SYNPR: variants seen among roughly 807,000 people sequenced by gnomAD.
The protein encoded by SYNPR is synaptoporin.
A neutral mutation model predicts 32.9 loss-of-function variants in SYNPR; 23 were observed. The observed-to-expected ratio is 0.70, with a 90% CI of 0.50 to 0.99. The LOEUF is 0.99. Ranked by LOEUF, SYNPR falls within the 50% of genes least tolerant of loss-of-function variation. The pLI is 0.00. For synonymous variants in SYNPR, 146 were observed against 135.9 expected (o/e 1.07, Z -0.52); for missense variants, 318 against 349.3 (o/e 0.91, Z 0.71).
At chr3:63,517,614 C>T (rs1017611715) in intron 3 of SYNPR, among the ~76,000 whole-genome samples, 1 of 152,106 alleles carries the variant, frequency 6.6e-6, no homozygotes, top group Non-Finnish European at 1.5e-5. Flanking sequence ...CTTGCCCTTG[C>T]GCTCATTTAA....
At chr3:63,459,137 C>T (rs1439384367) in intron 2 of SYNPR, among the ~76,000 whole-genome samples, 1 of 152,022 alleles carries the variant, frequency 6.6e-6, no homozygotes, top group African/African-American at 2.4e-5. Context: ...CACTAATTCA[C>T]TATGACAAAT....
intron 2 of SYNPR, among the ~76,000 whole-genome samples, chr3:63,458,342 T>C (rs116690830): frequency 0.018 from 2,675 of 152,252 alleles, 79 homozygotes; most frequent in African/African-American, 0.061. Context: ...CAATTTGGCC[T>C]GAGCTTAGCT....
intron 4 of SYNPR, among the ~76,000 whole-genome samples, chr3:63,564,178 GGT>G (rs1051540679): frequency 6.7e-6 from 1 of 149,592 alleles, no homozygotes; most frequent in Non-Finnish European, 1.5e-5. Flanking sequence ...GGGTGGGTGG[GGT>G]GTGTGTGTGT....
At chr3:63,588,455 C>T (rs10510899) in intron 4 of SYNPR, among the ~76,000 whole-genome samples, 40,563 of 151,776 alleles carry the variant, frequency 0.27, 5,771 homozygotes, top group South Asian at 0.44. Context: ...CAAGTAGATA[C>T]GGCTAGTTGT....
intron 2 of SYNPR, among the ~76,000 whole-genome samples, chr3:63,450,794 G>T (rs1162671361): frequency 2.0e-5 from 3 of 152,166 alleles, no homozygotes; most frequent in Non-Finnish European, 2.9e-5. Flanking sequence ...GCAGGGCTTT[G>T]CCAGGAGATG....
intron 2 of SYNPR, among the ~76,000 whole-genome samples, chr3:63,424,547 A>G (rs116229196): frequency 0.025 from 3,747 of 152,272 alleles, 87 homozygotes; most frequent in South Asian, 0.12. Context: ...TATTATTTCC[A>G]TTTTATTGTA....
At chr3:63,323,942 C>G (rs1284552877) in intron 2 of SYNPR, among the ~76,000 whole-genome samples, 1 of 152,014 alleles carries the variant, frequency 6.6e-6, no homozygotes, top group African/African-American at 2.4e-5. Flanking sequence ...GAATAACTTG[C>G]CCAACTTGCA....
intron 2 of SYNPR, among the ~76,000 whole-genome samples, chr3:63,396,201 C>G (rs2088210458): frequency 6.6e-6 from 1 of 152,156 alleles, no homozygotes; most frequent in Non-Finnish European, 1.5e-5. Context: ...TATGCCCTCA[C>G]TATAAAAGGA....
chr3:63,566,682 C>T lies in SYNPR; in HGVS notation c.408+9941C>T, dbSNP rs547179823. On this transcript the variant is annotated intron_variant, in intron 4 of 5. Transcript: ENST00000478300. Reference sequence around the variant, plus strand: ...CCCAAATCTCAGTACCACCATCTACCATCTGTATGACTTTGGACTGATGGT... The same window carrying T: ...CCCAAATCTCAGTACCACCATCTACTATCTGTATGACTTTGGACTGATGGT... Among the ~76,000 whole-genome samples, 207 of 152,242 alleles carry T rather than the reference C, an allele frequency of 1.4e-3. 1 individual carries two copies. The highest frequency in any genetic ancestry group is 4.8e-3 in the African/African-American group (201 of 41,530).
At chr3:63,347,030 T>C (rs946122847) in intron 2 of SYNPR, among the ~76,000 whole-genome samples, 1 of 152,178 alleles carries the variant, frequency 6.6e-6, no homozygotes, top group African/African-American at 2.4e-5. Flanking sequence ...AGTTTCCTCA[T>C]CTGCAGAATA....
chr3:63,398,456 C>G (rs1455077030), intron 2 of SYNPR, among the ~76,000 whole-genome samples: 4 of 152,014 alleles, frequency 2.6e-5, no homozygotes, highest in Non-Finnish European at 5.9e-5. Context: ...CGCGGTGGCT[C>G]ACGCCTGTAA....
intron 2 of SYNPR, among the ~76,000 whole-genome samples, chr3:63,410,054 G>C (rs1441950950): frequency 6.6e-6 from 1 of 152,032 alleles, no homozygotes; most frequent in Non-Finnish European, 1.5e-5. Context: ...ACACTTTGTT[G>C]TCTCAAGCCA....
intron 2 of SYNPR, among the ~76,000 whole-genome samples, chr3:63,264,291 T>C (rs1456701354): frequency 2.0e-5 from 3 of 152,144 alleles, no homozygotes; most frequent in Non-Finnish European, 2.9e-5. Context: ...AGCTCAGTAA[T>C]CTGCCAAAGA....
At chr3:63,299,020 C>A (rs918368048) in intron 2 of SYNPR, among the ~76,000 whole-genome samples, 1 of 152,146 alleles carries the variant, frequency 6.6e-6, no homozygotes, top group African/African-American at 2.4e-5. Flanking sequence ...CACACATAGA[C>A]AACAGATATT....
At position 63,576,749 on chromosome 3, in the gene SYNPR, C is replaced by A. The variant is rs143566255; in HGVS notation, c.408+20008C>A. On this transcript the variant is annotated intron_variant, in intron 4 of 5. Transcript: ENST00000478300. ...GAGGTTGCAGTGAGCTGAGATTGCA[C>A]AACTACACTCCAGCCTGGGCAACAG... Among the ~76,000 whole-genome samples, 17 of 141,608 alleles carry A rather than the reference C, an allele frequency of 1.2e-4. No homozygotes were observed. The East Asian group carries it at 3.6e-3, about 30-fold the overall frequency. 92.9% of individuals were successfully genotyped at this position (141,608 alleles called of 152,430 possible).
chr3:63,502,283 C>G (rs1701496104), intron 3 of SYNPR, among the ~76,000 whole-genome samples: 2 of 152,092 alleles, frequency 1.3e-5, no homozygotes, highest in South Asian at 4.2e-4. Flanking sequence ...GAGGAAAGTA[C>G]AGAGATTTCT....
chr3:63,425,534 C>G (rs1233506359), intron 2 of SYNPR, among the ~76,000 whole-genome samples: 1 of 152,068 alleles, frequency 6.6e-6, no homozygotes, highest in African/African-American at 2.4e-5. Context: ...TATTAAGATA[C>G]CATTTTTGAG....
At chr3:63,246,681 G>C (rs1421117088) in intron 1 of SYNPR, among the ~76,000 whole-genome samples, 1 of 152,110 alleles carries the variant, frequency 6.6e-6, no homozygotes, top group African/African-American at 2.4e-5. Context: ...CATTCCAGGT[G>C]GAAGGAATAG....
At chr3:63,409,028 C>T (rs1379981345) in intron 2 of SYNPR, among the ~76,000 whole-genome samples, 2 of 152,096 alleles carry the variant, frequency 1.3e-5, no homozygotes, top group African/African-American at 4.8e-5. Context: ...TCTACCCCTC[C>T]AAACCAGGTG....
Sources: allele counts gnomAD v4.1 joint callset (sites outside exome capture counted in the v4.1 genomes callset), GRCh38; gene constraint gnomAD v4.1.1; transcripts MANE v1.5; gene names NCBI Gene and HGNC (gene_info 2026-07-23, HGNC 2026-07-21).